GLIS3: variants seen among roughly 807,000 people sequenced by gnomAD.
GLIS3 encodes GLIS family zinc finger 3.
GLIS3 carries 53 observed loss-of-function variants against 78.6 expected under a neutral mutation model. The observed-to-expected ratio is 0.67, with a 90% CI of 0.54 to 0.85. GLIS3 has a LOEUF of 0.85. Among genes scored for constraint, GLIS3 ranks in the 40% least tolerant of loss-of-function variants. The pLI, the probability that GLIS3 is intolerant of heterozygous loss-of-function variation, is 0.00. For synonymous variants in GLIS3, 684 were observed against 509.9 expected (o/e 1.34, Z -4.60); for missense variants, 1,703 against 1,231.1 (o/e 1.38, Z -5.74).
chr9:4,372,554 TAA>T, the GLIS3 span, among the ~76,000 whole-genome samples: 5,637 of 137,914 alleles, frequency 0.041, 117 homozygotes, highest in Middle Eastern at 0.075. Flanking sequence ...GACCCTCCAA[TAA>T]AAAAAAAAAA....
chr9:4,346,565 G>A (rs377434980), intron 2 of GLIS3, among the ~76,000 whole-genome samples: 4 of 152,182 alleles, frequency 2.6e-5, no homozygotes, highest in African/African-American at 7.2e-5. Context: ...TCAACTGATA[G>A]AAAAAGAGCA....
At chr9:4,419,765 A>G in the GLIS3 span, among the ~76,000 whole-genome samples, 9 of 152,136 alleles carry the variant, frequency 5.9e-5, no homozygotes, top group East Asian at 3.9e-4. Context: ...GGGAGACAGA[A>G]TGAGGCTCTG....
At chr9:3,901,497 A>G (rs934869624) in intron 6 of GLIS3, among the ~76,000 whole-genome samples, 2 of 152,210 alleles carry the variant, frequency 1.3e-5, no homozygotes, top group Non-Finnish European at 2.9e-5. Context: ...GTTGCTATAC[A>G]TTACCAGCAC....
intron 2 of GLIS3, among the ~76,000 whole-genome samples, chr9:4,322,871 C>A (rs1335152167): frequency 6.6e-6 from 1 of 152,202 alleles, no homozygotes; most frequent in Admixed American, 6.5e-5. Context: ...TGCCTGTTCA[C>A]TCTGATGGTA....
At chr9:4,354,459 A>C in the GLIS3 span, among the ~76,000 whole-genome samples, 1 of 152,164 alleles carries the variant, frequency 6.6e-6, no homozygotes, top group Non-Finnish European at 1.5e-5. Context: ...TTAACCAAGA[A>C]TTATACACTA....
At chr9:3,873,125 A>G (rs1821073265) in intron 8 of GLIS3, among the ~76,000 whole-genome samples, 2 of 152,216 alleles carry the variant, frequency 1.3e-5, no homozygotes, top group African/African-American at 4.8e-5. Flanking sequence ...GCCCAGGACC[A>G]GATAGATTCA....
At chr9:3,967,018 A>C (rs1171469168) in intron 4 of GLIS3, among the ~76,000 whole-genome samples, 4 of 137,126 alleles carry the variant, frequency 2.9e-5, no homozygotes, top group Non-Finnish European at 6.1e-5. Flanking sequence ...CTGCAAAAAA[A>C]AAAAAAAAAA....
At chr9:4,173,139 T>C (rs1273240477) in intron 2 of GLIS3, among the ~76,000 whole-genome samples, 1 of 152,170 alleles carries the variant, frequency 6.6e-6, no homozygotes, top group African/African-American at 2.4e-5. Context: ...TTTTACCTTA[T>C]CTTTAAATCT....
At chr9:4,133,732 C>T (rs997151082) in intron 2 of GLIS3, among the ~76,000 whole-genome samples, 1 of 150,704 alleles carries the variant, frequency 6.6e-6, no homozygotes, top group Admixed American at 6.7e-5. Flanking sequence ...AAGAACTTGT[C>T]TCTCATATGG....
At chr9:4,316,106 C>T (rs916511679) in intron 2 of GLIS3, among the ~76,000 whole-genome samples, 20 of 152,162 alleles carry the variant, frequency 1.3e-4, no homozygotes, top group Admixed American at 5.2e-4. Flanking sequence ...ATGAAGCATA[C>T]ATCACACCAA....
chr9:4,361,119 G>C, the GLIS3 span, among the ~76,000 whole-genome samples: 2 of 152,196 alleles, frequency 1.3e-5, no homozygotes, highest in African/African-American at 4.8e-5. Flanking sequence ...CTTTAGGGCC[G>C]ATGCACTCAT....
intron 4 of GLIS3, among the ~76,000 whole-genome samples, chr9:4,069,267 T>C (rs1303917225): frequency 6.6e-6 from 1 of 152,212 alleles, no homozygotes; most frequent in Non-Finnish European, 1.5e-5. Context: ...CAGGTTGCTC[T>C]TCTGGGTCTC....
At chr9:4,019,905 A>G (rs888304302) in intron 4 of GLIS3, among the ~76,000 whole-genome samples, 8 of 151,884 alleles carry the variant, frequency 5.3e-5, no homozygotes, top group Non-Finnish European at 2.9e-5. Flanking sequence ...GCCACTTAAA[A>G]AATTAGCATC....
chr9:3,885,292 G>C (rs1015398259), intron 7 of GLIS3, among the ~76,000 whole-genome samples: 7 of 152,156 alleles, frequency 4.6e-5, no homozygotes, highest in Admixed American at 6.5e-5. Context: ...TGATGTTCTG[G>C]GCTGAAAGGC....
the GLIS3 span, among the ~76,000 whole-genome samples, chr9:4,355,605 T>A: frequency 1.3e-5 from 2 of 151,634 alleles, no homozygotes; most frequent in African/African-American, 4.9e-5. Flanking sequence ...GAAGGAGGAG[T>A]CAAAGACAAG....
intron 2 of GLIS3, among the ~76,000 whole-genome samples, chr9:4,133,308 G>A (rs1833113093): frequency 6.6e-6 from 1 of 152,164 alleles, no homozygotes; most frequent in Non-Finnish European, 1.5e-5. Flanking sequence ...ACACTCAAAT[G>A]TAACTTATGG....
rs1817792050 is a variant in GLIS3 at position 3,827,604 on chromosome 9, T to C, written c.*668A>G. 1.1e-5 allele frequency: 1 copy of C among 89,202 alleles called. No homozygotes were observed. 5.5% of individuals were successfully genotyped at this position (89,202 alleles called of 1,614,324 possible). A position where few individuals can be genotyped will look rare whatever the true frequency, so the allele number is the denominator to read the frequency against. On this transcript the variant is annotated 3_prime_UTR_variant, in exon 11 of 11. Transcript: ENST00000381971. ...GATTTCCATCCAAAGCACAGACCTT[T>C]ACATTTTTTTTTCATTTTAAAATAC...
At chr9:4,377,181 G>C in the GLIS3 span, among the ~76,000 whole-genome samples, 1 of 135,012 alleles carries the variant, frequency 7.4e-6, no homozygotes, top group Non-Finnish European at 1.7e-5. Context: ...ACTGACATTT[G>C]AGTCAGAGGA....
At position 3,937,351 on chromosome 9, in the gene GLIS3, A is replaced by G. The variant is rs570820; in HGVS notation, c.1711-162T>C. 0.32 allele frequency among the ~76,000 whole-genome samples: 48,325 copies of G among 152,000 alleles called. 8,614 individuals are homozygous for G. The highest frequency in any genetic ancestry group is 0.48 in the African/African-American group (19,939 of 41,430). On this transcript the variant is annotated intron_variant, in intron 4 of 10. Coordinates refer to ENST00000381971, the MANE Select transcript of GLIS3 (RefSeq NM_001042413.2). ...ATATTGCTCCTAAAAATATCCGAAT[A>G]TTTATGTGAACTGCATTTTTCCACT...
Sources: gnomAD v4.1 joint callset for allele counts (sites outside exome capture counted in the v4.1 genomes callset) on GRCh38, gnomAD v4.1.1 for gene constraint, MANE v1.5 for transcripts, NCBI Gene and HGNC (gene_info 2026-07-23, HGNC 2026-07-21) for gene names.